MMRN2: variants seen among roughly 807,000 people sequenced by gnomAD.
MMRN2 encodes multimerin-2.
In MMRN2, 53 loss-of-function variants were observed where a neutral mutation model predicts 68.8. The observed-to-expected ratio is 0.77, with a 90% confidence interval of 0.62 to 0.97. The LOEUF (loss-of-function observed/expected upper bound fraction) is 0.97. Ranked by LOEUF, MMRN2 falls within the 50% of genes least tolerant of loss-of-function variation. The pLI is 0.00. For missense variants in MMRN2, 1,266 were observed against 1,259.5 expected (o/e 1.01, Z -0.08); for synonymous variants, 564 against 551.6 (o/e 1.02, Z -0.32).
intron 1 of MMRN2, chr10:86,949,394 GC>G: frequency 6.6e-6 from 1 of 151,928 alleles, no homozygotes; most frequent in Non-Finnish European, 1.5e-5. Flanking sequence ...AATATTGCCT[GC>G]ACATCAACAC....
chr10:86,937,379 AT>A (rs911565572), intron 6 of MMRN2, among the ~76,000 whole-genome samples: 6 of 148,486 alleles, frequency 4.0e-5, no homozygotes, highest in East Asian at 3.9e-4. Flanking sequence ...AAATACTTTC[AT>A]TTTTTTTTTA....
intron 1 of MMRN2, 95 bp from the exon 2 acceptor site, chr10:86,945,784 C>G: frequency 1.3e-6 from 2 of 1,587,732 alleles, no homozygotes; most frequent in Non-Finnish European, 1.7e-6. Context: ...CCTGCCGGAG[C>G]AGTGCTGGGA....
Position 86,944,084 on chromosome 10 carries a change from C to A in MMRN2, c.700G>T (p.Asp234Tyr). The change falls in exon 6 of 7, where the codon GAC becomes TAC. Residue 234 changes from aspartate to tyrosine, a missense_variant. By Grantham distance (160) the Asp-to-Tyr change is radical. Coordinates refer to ENST00000372027, the MANE Select transcript of MMRN2 (RefSeq NM_024756.3). ...SLEQVLLPHVDTFLQVHFSPI... is the reference protein window; with the variant it reads ...SLEQVLLPHVYTFLQVHFSPI... ...CTGAAATGCACTTGTAGGAAGGTGT[C>A]CACGTGGGGTAGCAGCACCTGCTCC... 6.2e-7 allele frequency: 1 copy of A among 1,614,094 alleles called. No individual in the cohort carries two copies. Among genetic ancestry groups the A allele is most frequent in the Non-Finnish European group, 8.5e-7 (1 of 1,180,006 alleles).
chr10:86,937,127 T>C lies in MMRN2; in HGVS notation c.2468-2A>G. 1 of 1,613,844 alleles carries C rather than the reference T, an allele frequency of 6.2e-7. No individual in the cohort carries two copies. The highest frequency in any genetic ancestry group is 8.5e-7 in the Non-Finnish European group (1 of 1,179,806). On this transcript the variant is annotated splice_acceptor_variant, in intron 6 of 6. Transcript: ENST00000372027. LOFTEE classifies it high-confidence loss of function. The stretch of plus-strand genomic sequence containing the variant: ...TGGCATAGAAGGCCACAGGGGATCC[T>C]GAAACATAACAGGACAGTGCTTAGT...
In MMRN2 at chr10:86,957,435, C is replaced by T. The variant is rs780540982; in HGVS notation, c.107G>A (p.Arg36Lys). 2.5e-6 allele frequency: 4 copies of T among 1,613,846 alleles called. No homozygotes were observed. In the Admixed American group the frequency reaches 6.7e-5, roughly 27 times the overall value. Reference protein sequence around the residue: ...STSLSDLQSSRTPGVWKAEAE... With the variant: ...STSLSDLQSSKTPGVWKAEAE... ...CTCTGCCTTCCAGACCCCAGGTGTC[C>T]TGGAGCTCTGCAGATCAGAGAGGCT... Residue 36 changes from arginine (R) to lysine (K), a missense_variant, in exon 1 of 7, where the codon AGG becomes AAG. Coordinates refer to ENST00000372027, the MANE Select transcript of MMRN2 (RefSeq NM_024756.3).
At chr10:86,955,464 C>G (rs1322990413) in intron 1 of MMRN2, among the ~76,000 whole-genome samples, 1 of 152,182 alleles carries the variant, frequency 6.6e-6, no homozygotes, top group Non-Finnish European at 1.5e-5. Context: ...TGCAAAGGGT[C>G]TTATTGGGGC....
Position 86,937,768 on chromosome 10 carries a change from G to T in MMRN2, c.2468-643C>A, listed in dbSNP as rs1843901834. Among the ~76,000 whole-genome samples, 4 of 152,170 alleles carry T rather than the reference G, an allele frequency of 2.6e-5. No individual in the cohort carries two copies. In the South Asian group the frequency reaches 8.3e-4, roughly 32 times the overall value. The stretch of plus-strand genomic sequence containing the variant: ...GACCACCACTTGCTAGGAATCTTGA[G>T]ATACTCAGGGGAGAGGGAGAAAATA... On this transcript the variant is annotated intron_variant, in intron 6 of 6. Transcript: ENST00000372027.
At position 86,942,579 on chromosome 10, in the gene MMRN2, G is replaced by T; in HGVS notation, c.2205C>A (p.Asn735Lys). 6.2e-7 allele frequency: 1 copy of T among 1,612,072 alleles called. No homozygotes were observed. The highest frequency in any genetic ancestry group is 1.1e-5 in the South Asian group (1 of 91,082). The change falls in exon 6 of 7, where the codon AAC (asparagine) becomes AAA (lysine). Residue 735 changes from asparagine to lysine, a missense_variant. Coordinates refer to ENST00000372027, the MANE Select transcript of MMRN2 (RefSeq NM_024756.3). ...SLNASLHGLH[N>K]ALFATQRSLE... is the part of the protein sequence containing the mutation. ...AGCTGCGCTGAGTGGCGAAGAGTGC[G>T]TTGTGGAGGCCGTGAAGGGAGGCGT...
At chr10:86,956,319 T>C (rs995592613) in intron 1 of MMRN2, among the ~76,000 whole-genome samples, 4 of 152,304 alleles carry the variant, frequency 2.6e-5, no homozygotes, top group Middle Eastern at 3.4e-3. Flanking sequence ...CCTGGTCAAA[T>C]CTGTTTTCAG....
Position 86,945,659 on chromosome 10 carries a change from C to T in MMRN2, c.195G>A (p.Leu65=). ...RNWCPYPMSK[L]VTLLALCKTE... ...TTTTGCAAAGAGCTAGTAAGGTGAC[C>T]AGCTTGGACATTGGGTAGGGGCACC... Residue 65 remains leucine (L), a synonymous_variant, in exon 2 of 7, where the codon CTG becomes CTA. Transcript: ENST00000372027. 1 of 1,614,034 alleles carries T rather than the reference C, an allele frequency of 6.2e-7. No individual in the cohort carries two copies.
At chr10:86,947,723 GCAGACT>G (rs925821234) in intron 1 of MMRN2, among the ~76,000 whole-genome samples, 22 of 147,972 alleles carry the variant, frequency 1.5e-4, no homozygotes, top group Non-Finnish European at 2.8e-4. Context: ...CCTCTCAGCA[GCAGACT>G]GGAAAAGTTT....
chr10:86,954,997 GGGTCAGGAGAAGCCTGA>G (rs1844198800), intron 1 of MMRN2, among the ~76,000 whole-genome samples: 1 of 152,144 alleles, frequency 6.6e-6, no homozygotes, highest in Non-Finnish European at 1.5e-5. Flanking sequence ...CTTTGTGTAA[GGGTCAGGAGAAGCCTGA>G]GGCTGGTGAC....
chr10:86,943,630 A>C lies in MMRN2; in HGVS notation c.1154T>G (p.Met385Arg). The C allele has an allele frequency of 6.2e-7, 1 of 1,613,640 alleles. No individual in the cohort carries two copies. The highest frequency in any genetic ancestry group is 8.5e-7 in the Non-Finnish European group (1 of 1,180,002). ...QLQRNLSELH[M>R]TTARREEELQ... is the part of the protein sequence containing the mutation. The stretch of plus-strand genomic sequence containing the variant: ...CTCCTCCTCCCTGCGGGCCGTGGTC[A>C]TGTGCAGCTCTGAGAGGTTCCTCTG... The change falls in exon 6 of 7, where the codon ATG (methionine) becomes AGG (arginine). Residue 385 changes from methionine (M) to arginine (R), a missense_variant. Transcript: ENST00000372027. This position sits in a 1 kb window ranked among gnomAD's most constrained non-coding sequence, Gnocchi z 4.2.
Position 86,944,362 on chromosome 10 carries a change from C to T in MMRN2, c.555G>A (p.Gln185=). 1 of 1,614,072 alleles carries T rather than the reference C, an allele frequency of 6.2e-7. No homozygotes were observed. The highest frequency in any genetic ancestry group is 1.1e-5 in the South Asian group (1 of 91,074). ...TGTCTGCCACCCGGTGCACATCATT[C>T]TGGAGATCTCCCAGCAGATGTTCCT... ...EQQEHLLGDL[Q]NDVHRVADSL... Residue 185 remains glutamine, a synonymous_variant, in exon 5 of 7, where the codon CAG becomes CAA. Transcript: ENST00000372027.
Position 86,945,651 on chromosome 10 carries a change from A to C in MMRN2, c.203T>G (p.Leu68Ter), listed in dbSNP as rs895297621. The C allele has an allele frequency of 6.2e-7, 1 of 1,614,086 alleles. No homozygotes were observed. Among genetic ancestry groups the C allele is most frequent in the Non-Finnish European group, 8.5e-7 (1 of 1,180,002 alleles). Residue 68 changes from leucine (L) to a stop codon, truncating the protein, a stop_gained, in exon 2 of 7, where the codon TTA becomes TGA. Transcript: ENST00000372027. LOFTEE classifies it high-confidence loss of function. ...CPYPMSKLVT[L>*]LALCKTEKFL... is the part of the protein sequence containing the mutation. ...TTTCTCTGTTTTGCAAAGAGCTAGT[A>C]AGGTGACCAGCTTGGACATTGGGTA...
chr10:86,957,173 C>T (rs1438514713), intron 1 of MMRN2, among the ~76,000 whole-genome samples: 1 of 152,234 alleles, frequency 6.6e-6, no homozygotes, highest in African/African-American at 2.4e-5. Flanking sequence ...GCCATGGCTC[C>T]GACAGGGAAC....
chr10:86,938,926 G>T (rs1843916475), intron 6 of MMRN2, among the ~76,000 whole-genome samples: 4 of 152,140 alleles, frequency 2.6e-5, no homozygotes, highest in Admixed American at 2.6e-4. Context: ...ACTTTGGGAG[G>T]CCAAGGCGGG....
chr10:86,936,690 G>C lies in MMRN2; in HGVS notation c.*53C>G. The C allele has an allele frequency of 6.3e-7, 1 of 1,588,754 alleles. No individual in the cohort carries two copies. Among genetic ancestry groups the C allele is most frequent in the Non-Finnish European group, 8.6e-7 (1 of 1,164,592 alleles). ...CAGCCCATCCTTGGCCAGAGCCCCA[G>C]GCCGAGGAGAGCTGGGCGAGTCCAT... On this transcript the variant is annotated 3_prime_UTR_variant, in exon 7 of 7. Transcript: ENST00000372027.
At chr10:86,944,647 A>C in intron 4 of MMRN2, 1 of 563,412 alleles carries the variant, frequency 1.8e-6, no homozygotes, top group Non-Finnish European at 3.1e-6. Context: ...GACATGACTA[A>C]TCAATCATGG....
Sources: gnomAD v4.1 joint callset for allele counts (sites outside exome capture counted in the v4.1 genomes callset) on GRCh38, gnomAD v4.1.1 for gene constraint, Gnocchi (gnomAD v3.1) non-coding constraint, MANE v1.5 for transcripts, NCBI Gene and HGNC (gene_info 2026-07-23, HGNC 2026-07-21) for gene names.